C3orf20: variants seen among roughly 807,000 people sequenced by gnomAD.
The protein encoded by C3orf20 is family with sequence similarity 149 member C.
A neutral mutation model predicts 88.3 loss-of-function variants in C3orf20; 76 were observed. The observed-to-expected ratio is 0.86, with a 90% CI of 0.72 to 1.04. The LOEUF is 1.04. C3orf20 is among the 50% of genes least tolerant of loss of function. C3orf20 has a pLI of 0.00. For missense variants in C3orf20, 1,056 were observed against 1,123.3 expected, an observed-to-expected ratio of 0.94 and a Z score of 0.86; for synonymous variants, 436 against 437.4, an observed-to-expected ratio of 1.00 and a Z score of 0.04.
intron 7 of C3orf20, among the ~76,000 whole-genome samples, chr3:14,707,105 C>T (rs533828172): frequency 4.5e-4 from 69 of 151,870 alleles, no homozygotes; most frequent in Admixed American, 1.4e-3. Context: ...AAAAATTAGC[C>T]GGGTGTGGTG....
At chr3:14,704,665 C>T (rs2033425438) in intron 7 of C3orf20, 47 bp downstream of exon 7, 1 of 1,593,486 alleles carries the variant, frequency 6.3e-7, no homozygotes. Context: ...TACTCAACCC[C>T]AGAGAAGTCC....
Position 14,726,970 on chromosome 3 carries a change from A to C in C3orf20, c.1636A>C (p.Lys546Gln). ...GAGCCGAGCCCTGGCTGAGATCAAG[A>C]AGCGGTTTCAGAAGACAGTGACTCA... Reference protein sequence around the residue: ...KMSRALAEIKKRFQKTVTQFI... With the variant: ...KMSRALAEIKQRFQKTVTQFI... The change falls in exon 11 of 17, where the codon AAG (lysine) becomes CAG (glutamine). Residue 546 changes from lysine to glutamine, a missense_variant. Physicochemically the swap from Lys to Gln is moderately conservative, Grantham distance 53. Coordinates refer to ENST00000253697, the MANE Select transcript of C3orf20 (RefSeq NM_032137.5). The C allele has an allele frequency of 3.7e-6, 6 of 1,614,186 alleles. No individual in the cohort carries two copies. The highest frequency in any genetic ancestry group is 5.1e-6 in the Non-Finnish European group (6 of 1,180,038).
intron 5 of C3orf20, among the ~76,000 whole-genome samples, chr3:14,696,371 CATTATTATTATTATTATT>C: frequency 7.0e-6 from 1 of 142,044 alleles, no homozygotes; most frequent in Non-Finnish European, 1.5e-5. Flanking sequence ...GTTGTGCTAT[CATTATTATTATTATTATT>C]ATTATTATTA....
rs968949519 is a variant in C3orf20, at chr3:14,675,229, C to G, written c.-322C>G. On this transcript the variant is annotated 5_prime_UTR_variant, in exon 1 of 17. Transcript: ENST00000253697. The stretch of plus-strand genomic sequence containing the variant: ...TAAGTCGGTTATTCGGCAAGCAGTT[C>G]CTATAAAAAACTACATGGCTAAGGT... The G allele has an allele frequency of 6.6e-6, 1 of 152,092 alleles. No homozygotes were observed. Among genetic ancestry groups the G allele is most frequent in the African/African-American group, 2.4e-5 (1 of 41,380 alleles). The allele number at this position is 152,092 out of a possible 1,614,324, so 9.4% of individuals were successfully genotyped here.
intron 14 of C3orf20, among the ~76,000 whole-genome samples, chr3:14,761,213 C>T (rs1264402829): frequency 1.4e-5 from 2 of 143,128 alleles, no homozygotes; most frequent in Non-Finnish European, 3.0e-5. Flanking sequence ...TATGGCTGAG[C>T]CAAACCCCTG....
intron 4 of C3orf20, 65 bp from the exon 5 acceptor site, chr3:14,689,932 C>T (rs547182966): frequency 3.5e-4 from 561 of 1,607,930 alleles, no homozygotes; most frequent in Non-Finnish European, 4.4e-4. Flanking sequence ...ATCCATGTTA[C>T]ATTTTTGGCT....
intron 5 of C3orf20, among the ~76,000 whole-genome samples, chr3:14,691,667 G>A (rs185840400): frequency 3.2e-4 from 49 of 152,136 alleles, no homozygotes; most frequent in Admixed American, 2.6e-3. Flanking sequence ...ATGTTTATGG[G>A]TTATGTGAGA....
chr3:14,696,015 T>A (rs1453590068), intron 5 of C3orf20, among the ~76,000 whole-genome samples: 2 of 152,148 alleles, frequency 1.3e-5, no homozygotes, highest in East Asian at 3.8e-4. Context: ...CCTGCCATTT[T>A]GTTGTTTCTC....
chr3:14,708,672 C>T (rs2033620920), intron 7 of C3orf20, among the ~76,000 whole-genome samples: 1 of 151,980 alleles, frequency 6.6e-6, no homozygotes, highest in Non-Finnish European at 1.5e-5. Flanking sequence ...GAGACAGAGT[C>T]TCACTCTGTC....
At chr3:14,738,818 T>TTTTG in intron 12 of C3orf20, among the ~76,000 whole-genome samples, 1 of 125,344 alleles carries the variant, frequency 8.0e-6, no homozygotes, top group Admixed American at 7.3e-5. Context: ...TTTTTTTGTT[T>TTTTG]TTTTTTTTTT....
In C3orf20 at chr3:14,714,177, G is replaced by T; in HGVS notation, c.1313+18G>T. The T allele has an allele frequency of 6.2e-7, 1 of 1,612,450 alleles. No individual in the cohort carries two copies. On this transcript the variant is annotated intron_variant, in intron 8 of 16. Transcript: ENST00000253697. ...AAAACCAGGTAAGTGGACTGGGAGA[G>T]TACTAGTCACACGGAAGTACCTCTG...
intron 12 of C3orf20, among the ~76,000 whole-genome samples, chr3:14,730,726 G>A (rs968502980): frequency 2.0e-5 from 3 of 152,142 alleles, no homozygotes; most frequent in South Asian, 2.1e-4. Context: ...CAGACTGTCC[G>A]TTTTCCGCCA....
intron 4 of C3orf20, among the ~76,000 whole-genome samples, chr3:14,686,923 A>G (rs1333793294): frequency 6.6e-6 from 1 of 152,224 alleles, no homozygotes; most frequent in Non-Finnish European, 1.5e-5. Context: ...ACACACATAC[A>G]GTGCAAATAA....
intron 12 of C3orf20, among the ~76,000 whole-genome samples, chr3:14,732,195 T>C (rs2034557612): frequency 6.6e-6 from 1 of 152,246 alleles, no homozygotes; most frequent in Non-Finnish European, 1.5e-5. Flanking sequence ...CTGATAGACA[T>C]GTGGTAATAT....
intron 6 of C3orf20, 87 bp downstream of exon 6, chr3:14,703,349 G>T: frequency 6.3e-7 from 1 of 1,583,188 alleles, no homozygotes. Context: ...ATATGTGAGT[G>T]GACAGTCACA....
At chr3:14,716,096 A>G (rs937266535) in intron 9 of C3orf20, among the ~76,000 whole-genome samples, 4 of 152,204 alleles carry the variant, frequency 2.6e-5, no homozygotes, top group African/African-American at 9.6e-5. Context: ...GCATTGTAAG[A>G]TGTTTAGCAT....
intron 10 of C3orf20, among the ~76,000 whole-genome samples, chr3:14,724,662 T>C (rs1169667086): frequency 6.6e-6 from 1 of 152,252 alleles, no homozygotes; most frequent in Non-Finnish European, 1.5e-5. Context: ...AATAATTGAC[T>C]ATTTTGGTGA....
intron 4 of C3orf20, among the ~76,000 whole-genome samples, chr3:14,685,856 C>CTTTT (rs71038423): frequency 1.3e-4 from 9 of 68,388 alleles, no homozygotes; most frequent in Admixed American, 4.3e-4. Flanking sequence ...GCAGGATTTC[C>CTTTT]TTTTTTTTTT....
At chr3:14,689,150 T>C (rs1174867109) in intron 4 of C3orf20, among the ~76,000 whole-genome samples, 3 of 152,152 alleles carry the variant, frequency 2.0e-5, no homozygotes, top group Non-Finnish European at 4.4e-5. Context: ...CCAGCAGGGT[T>C]GATGGGTTTT....
Sources: gnomAD v4.1 joint callset for allele counts (sites outside exome capture counted in the v4.1 genomes callset) on GRCh38, gnomAD v4.1.1 for gene constraint, MANE v1.5 for transcripts, NCBI Gene and HGNC (gene_info 2026-07-23, HGNC 2026-07-21) for gene names.